Variants in DGKB observed in about 807,000 individuals in gnomAD.
The protein encoded by DGKB is diacylglycerol kinase beta.
Under a neutral mutation model 114.3 loss-of-function variants are expected in DGKB, and 67 were observed. That is an observed-to-expected ratio of 0.59 (90% CI 0.48 to 0.72). The LOEUF (loss-of-function observed/expected upper bound fraction) is 0.72. DGKB is among the 30% of genes least tolerant of loss of function. The probability of loss-of-function intolerance (pLI) is 0.00; values close to 1 mark genes in which losing one functional copy is unlikely to be tolerated. For synonymous variants in DGKB, 398 were observed against 323.1 expected (o/e 1.23, Z -2.49); for missense variants, 907 against 975.2 (o/e 0.93, Z 0.93).
At chr7:14,361,375 A>AT in intron 21 of DGKB, among the ~76,000 whole-genome samples, 1 of 152,162 alleles carries the variant, frequency 6.6e-6, no homozygotes, top group East Asian at 1.9e-4. Context: ...AAATATTGAT[A>AT]TTTTTAATCA....
intron 13 of DGKB, among the ~76,000 whole-genome samples, chr7:14,665,916 T>G (rs1410157104): frequency 6.6e-6 from 1 of 152,034 alleles, no homozygotes; most frequent in East Asian, 1.9e-4. Context: ...AGGCCTATTT[T>G]ATCGATTTCT....
At chr7:14,308,966 AG>A (rs999774750) in intron 23 of DGKB, among the ~76,000 whole-genome samples, 1 of 152,208 alleles carries the variant, frequency 6.6e-6, no homozygotes, top group Non-Finnish European at 1.5e-5. Context: ...CTGTAATCCC[AG>A]CACTTTGGAA....
intron 9 of DGKB, among the ~76,000 whole-genome samples, chr7:14,686,356 T>C (rs1821678446): frequency 6.6e-6 from 1 of 152,186 alleles, no homozygotes; most frequent in African/African-American, 2.4e-5. Flanking sequence ...ATTATTACTT[T>C]TGCTACCATC....
intron 17 of DGKB, among the ~76,000 whole-genome samples, chr7:14,588,257 C>A (rs977885082): frequency 1.3e-5 from 2 of 151,726 alleles, no homozygotes; most frequent in African/African-American, 4.8e-5. Context: ...TGATTTTAGT[C>A]CTTTTTGAAT....
Position 14,695,494 on chromosome 7 carries a change from C to CTTTTTTTTTTTTTTTTTTTTTTTTT in DGKB, c.592-1301_592-1300insAAAAAAAAAAAAAAAAAAAAAAAAA, listed in dbSNP as rs1173622205. Among the ~76,000 whole-genome samples the CTTTTTTTTTTTTTTTTTTTTTTTTT allele has an allele frequency of 1.1e-4, 8 of 75,156 alleles. 2 individuals are homozygous for CTTTTTTTTTTTTTTTTTTTTTTTTT. The highest frequency in any genetic ancestry group is 1.8e-4 in the African/African-American group (3 of 17,072). 49.3% of individuals were successfully genotyped at this position (75,156 alleles called of 152,430 possible). Reference sequence around the variant, plus strand: ...AATGTTCATTTCTCTCTCTCTCTCTCTTTTTTTTTTTTTTTTTTTTTTTGA... The same window carrying CTTTTTTTTTTTTTTTTTTTTTTTTT: ...AATGTTCATTTCTCTCTCTCTCTCTCTTTTTTTTTTTTTTTTTTTTTTTTTTTTTTTTTTTTTTTTTTTTTTTTGA... On this transcript the variant is annotated intron_variant, in intron 8 of 25. Coordinates refer to ENST00000402815, the MANE Select transcript of DGKB (RefSeq NM_001350709.2).
At chr7:14,768,050 A>C (rs777710825) in intron 2 of DGKB, among the ~76,000 whole-genome samples, 1 of 152,012 alleles carries the variant, frequency 6.6e-6, no homozygotes, top group African/African-American at 2.4e-5. Flanking sequence ...ATATTAGGCA[A>C]TGTGGAGAAA....
intron 4 of DGKB, among the ~76,000 whole-genome samples, chr7:14,752,608 T>C (rs1406873956): frequency 2.0e-5 from 3 of 152,170 alleles, no homozygotes; most frequent in African/African-American, 7.2e-5. Context: ...CAATTCTTTC[T>C]ATTCTGTAAC....
rs73680176 is a variant in DGKB at position 14,678,927 on chromosome 7, A to T, written c.1035+3626T>A. Among the ~76,000 whole-genome samples, 1,126 of 152,174 alleles carry T rather than the reference A, an allele frequency of 7.4e-3. 11 individuals carry two copies. Among genetic ancestry groups the T allele is most frequent in the African/African-American group, 0.026 (1,084 of 41,552 alleles). On this transcript the variant is annotated intron_variant, in intron 12 of 25. Coordinates refer to ENST00000402815, the MANE Select transcript of DGKB (RefSeq NM_001350709.2). ...ATAAAGGTAAAAGACAAGAGTAAAA[A>T]AAATTGACTTCAAACTTTTTTTCCA...
intron 23 of DGKB, among the ~76,000 whole-genome samples, chr7:14,224,559 A>G (rs941408161): frequency 6.6e-6 from 1 of 151,682 alleles, no homozygotes; most frequent in Non-Finnish European, 1.5e-5. Context: ...CTTTCTCTTC[A>G]GGTACCATAC....
At chr7:14,642,618 G>C (rs1185373446) in intron 13 of DGKB, among the ~76,000 whole-genome samples, 2 of 152,032 alleles carry the variant, frequency 1.3e-5, no homozygotes, top group Non-Finnish European at 2.9e-5. Flanking sequence ...ATACAATCAA[G>C]CCTATAATAT....
chr7:14,645,348 T>C (rs772481925), intron 13 of DGKB, among the ~76,000 whole-genome samples: 3 of 152,132 alleles, frequency 2.0e-5, no homozygotes, highest in Non-Finnish European at 4.4e-5. Flanking sequence ...AAAAGAGCTG[T>C]AATGTTCCTG....
chr7:14,701,895 G>C (rs1825254737), intron 6 of DGKB, among the ~76,000 whole-genome samples, 165 bp from the exon 7 acceptor site: 1 of 124,360 alleles, frequency 8.0e-6, no homozygotes, highest in Non-Finnish European at 1.8e-5. Context: ...AATTGAAAAT[G>C]AATTAATTAG....
At chr7:14,689,224 T>TTTTTTTA (rs1822361376) in intron 9 of DGKB, among the ~76,000 whole-genome samples, 1 of 139,570 alleles carries the variant, frequency 7.2e-6, no homozygotes, top group African/African-American at 2.9e-5. Flanking sequence ...TTTTTTTTTT[T>TTTTTTTA]GAGAGGAGTC....
chr7:14,622,859 A>C (rs1451768103), intron 14 of DGKB, among the ~76,000 whole-genome samples: 3 of 152,148 alleles, frequency 2.0e-5, no homozygotes. Flanking sequence ...AGTCTGCTGG[A>C]AAACTTGCCA....
At chr7:14,654,174 A>G (rs761426673) in intron 13 of DGKB, among the ~76,000 whole-genome samples, 1 of 152,114 alleles carries the variant, frequency 6.6e-6, no homozygotes, top group South Asian at 2.1e-4. Flanking sequence ...CTAAGAAATG[A>G]GTTTAATAAA....
At chr7:14,294,880 C>T (rs757762500) in intron 23 of DGKB, among the ~76,000 whole-genome samples, 1 of 152,056 alleles carries the variant, frequency 6.6e-6, no homozygotes, top group Non-Finnish European at 1.5e-5. Flanking sequence ...TAGGATTTAG[C>T]CTGGGTTTTG....
intron 23 of DGKB, among the ~76,000 whole-genome samples, chr7:14,312,593 C>T (rs1805591043): frequency 6.6e-6 from 1 of 152,100 alleles, no homozygotes; most frequent in South Asian, 2.1e-4. Context: ...ATGCATAAAG[C>T]AATTGTGCTG....
At chr7:14,540,341 A>G (rs1044985601) in intron 20 of DGKB, among the ~76,000 whole-genome samples, 3 of 152,106 alleles carry the variant, frequency 2.0e-5, no homozygotes, top group Admixed American at 6.5e-5. Flanking sequence ...TAAACATTGT[A>G]TTATGTATGT....
chr7:14,920,435 AG>A (rs1251783850), intron 1 of DGKB, among the ~76,000 whole-genome samples: 4 of 152,244 alleles, frequency 2.6e-5, no homozygotes, highest in Non-Finnish European at 5.9e-5. Context: ...GCAAATTATA[AG>A]AACAATAAGG....
Sources: allele counts gnomAD v4.1 joint callset (sites outside exome capture counted in the v4.1 genomes callset), GRCh38; gene constraint gnomAD v4.1.1; transcripts MANE v1.5; gene names NCBI Gene and HGNC (gene_info 2026-07-23, HGNC 2026-07-21).